Variants in ZNF804A observed in about 807,000 individuals in gnomAD.
The protein encoded by ZNF804A is zinc finger protein 804A.
In ZNF804A, 2 loss-of-function variants were observed where a neutral mutation model predicts 16.5. The observed-to-expected ratio is 0.12, with a 90% CI of 0.05 to 0.38. The LOEUF (loss-of-function observed/expected upper bound fraction) is 0.38, where lower values mean the gene tolerates loss of function less well. Ranked by LOEUF, ZNF804A falls within the 10% of genes least tolerant of loss-of-function variation. The pLI is 0.99. For synonymous variants in ZNF804A, 534 were observed against 489.6 expected (o/e 1.09, Z -1.20); for missense variants, 1,473 against 1,390.7 (o/e 1.06, Z -0.94).
chr2:184,680,725 C>T (rs1001595706), intron 1 of ZNF804A, among the ~76,000 whole-genome samples: 1 of 152,246 alleles, frequency 6.6e-6, no homozygotes, highest in Non-Finnish European at 1.5e-5. Context: ...TTGGGACCCA[C>T]TGAATGGCAG....
chr2:184,752,654 A>T (rs1301830858), intron 1 of ZNF804A, among the ~76,000 whole-genome samples: 1 of 151,700 alleles, frequency 6.6e-6, no homozygotes, highest in African/African-American at 2.4e-5. Flanking sequence ...AAAGGCAACA[A>T]ACAGAATTGG....
chr2:184,935,740 C>G (rs1393223391), intron 3 of ZNF804A, 43 bp from the exon 4 acceptor site: 2 of 1,481,200 alleles, frequency 1.4e-6, no homozygotes, highest in Non-Finnish European at 1.8e-6. Context: ...TTTTTTTTCT[C>G]AAAAGTGTGC....
chr2:184,684,978 G>C (rs1478983085), intron 1 of ZNF804A, among the ~76,000 whole-genome samples: 1 of 152,052 alleles, frequency 6.6e-6, no homozygotes, highest in South Asian at 2.1e-4. Context: ...TGCTCACACC[G>C]GCTGGGCTTG....
intron 1 of ZNF804A, among the ~76,000 whole-genome samples, chr2:184,703,317 T>C (rs1335086076): frequency 1.3e-5 from 2 of 152,136 alleles, no homozygotes; most frequent in African/African-American, 4.8e-5. Flanking sequence ...AAAATAAACA[T>C]ACCACAAACA....
chr2:184,875,289 G>A (rs1196114444), intron 2 of ZNF804A, among the ~76,000 whole-genome samples: 2 of 152,178 alleles, frequency 1.3e-5, no homozygotes, highest in Non-Finnish European at 2.9e-5. Flanking sequence ...AAGACCTAAA[G>A]GGAAGTGCTT....
chr2:184,833,437 T>C (rs2105796703), intron 1 of ZNF804A, among the ~76,000 whole-genome samples: 1 of 152,198 alleles, frequency 6.6e-6, no homozygotes, highest in Non-Finnish European at 1.5e-5. Context: ...AAGCCACATG[T>C]GGCAGTTTAG....
intron 1 of ZNF804A, among the ~76,000 whole-genome samples, chr2:184,852,162 G>A (rs951827032): frequency 1.4e-4 from 21 of 151,724 alleles, no homozygotes; most frequent in Admixed American, 1.3e-3. Flanking sequence ...GATCTACAGT[G>A]GATGCTTGAA....
At chr2:184,605,056 A>T (rs1691120784) in intron 1 of ZNF804A, among the ~76,000 whole-genome samples, 2 of 152,252 alleles carry the variant, frequency 1.3e-5, no homozygotes, top group African/African-American at 4.8e-5. Context: ...TGTTACTTTT[A>T]TATACCATAT....
intron 1 of ZNF804A, among the ~76,000 whole-genome samples, chr2:184,665,680 T>C (rs1284035587): frequency 6.6e-6 from 1 of 152,174 alleles, no homozygotes; most frequent in African/African-American, 2.4e-5. Context: ...TCTTTCAATC[T>C]CATTTAGTTT....
chr2:184,613,175 C>T (rs146002256), intron 1 of ZNF804A, among the ~76,000 whole-genome samples: 1 of 152,252 alleles, frequency 6.6e-6, no homozygotes, highest in African/African-American at 2.4e-5. Context: ...CTCTTAGAAC[C>T]CTTCATAAAA....
chr2:184,675,937 T>C (rs1442574641), intron 1 of ZNF804A, among the ~76,000 whole-genome samples: 1 of 151,778 alleles, frequency 6.6e-6, no homozygotes, highest in Non-Finnish European at 1.5e-5. Context: ...TTTTCTTGTT[T>C]GGTTATCAAA....
chr2:184,650,863 CT>C (rs1014798200), intron 1 of ZNF804A, among the ~76,000 whole-genome samples: 3 of 152,096 alleles, frequency 2.0e-5, no homozygotes, highest in Non-Finnish European at 2.9e-5. Context: ...GTTAAAAACA[CT>C]GCCCAATTAA....
chr2:184,648,067 G>A (rs894260725), intron 1 of ZNF804A, among the ~76,000 whole-genome samples: 5 of 152,084 alleles, frequency 3.3e-5, no homozygotes, highest in East Asian at 1.9e-4. Context: ...ATGGGGGCCC[G>A]ATTTGCACAT....
chr2:184,887,014 A>G (rs1403963959), intron 2 of ZNF804A, among the ~76,000 whole-genome samples: 1 of 152,200 alleles, frequency 6.6e-6, no homozygotes, highest in Non-Finnish European at 1.5e-5. Flanking sequence ...CCTTCCTATC[A>G]TATAGTCAGG....
intron 2 of ZNF804A, among the ~76,000 whole-genome samples, chr2:184,914,771 A>G (rs972997904): frequency 2.6e-5 from 4 of 152,040 alleles, no homozygotes; most frequent in African/African-American, 9.6e-5. Context: ...GCATAATATT[A>G]TATTTCTCAC....
At chr2:184,884,166 G>C (rs1399760140) in intron 2 of ZNF804A, among the ~76,000 whole-genome samples, 1 of 152,098 alleles carries the variant, frequency 6.6e-6, no homozygotes. Context: ...CAGCATACAA[G>C]CTGAGAGCCA....
chr2:184,821,484 C>T (rs1695081873), intron 1 of ZNF804A, among the ~76,000 whole-genome samples: 1 of 151,980 alleles, frequency 6.6e-6, no homozygotes. Context: ...TACGCAATGC[C>T]ATTCAGGATG....
intron 1 of ZNF804A, among the ~76,000 whole-genome samples, chr2:184,813,254 A>T (rs1332252179): frequency 6.6e-6 from 1 of 152,108 alleles, no homozygotes; most frequent in Non-Finnish European, 1.5e-5. Context: ...AAAGTATAAA[A>T]CTGCTCTCTA....
At chr2:184,729,471 A>G (rs1693476044) in intron 1 of ZNF804A, among the ~76,000 whole-genome samples, 1 of 152,106 alleles carries the variant, frequency 6.6e-6, no homozygotes, top group Non-Finnish European at 1.5e-5. Flanking sequence ...ATGATTTCAA[A>G]TCAATCAGTT....
Sources: allele counts gnomAD v4.1 joint callset (sites outside exome capture counted in the v4.1 genomes callset), GRCh38; gene constraint gnomAD v4.1.1; transcripts MANE v1.5; gene names NCBI Gene and HGNC (gene_info 2026-07-23, HGNC 2026-07-21).